The following NIF3L1 variants were observed in gnomAD, a reference collection of about 807,000 sequenced individuals.
NIF3L1 encodes NIF3-like protein 1.
Under a neutral mutation model 35.0 loss-of-function variants are expected in NIF3L1, and 26 were observed. The ratio of observed to expected loss-of-function variants is 0.74; its 90% CI spans 0.54 to 1.03. NIF3L1 has a LOEUF of 1.03. NIF3L1 is among the 50% of genes least tolerant of loss of function. NIF3L1 has a pLI of 0.00. For missense variants in NIF3L1, 449 were observed against 466.3 expected, an observed-to-expected ratio of 0.96 and a Z score of 0.34; for synonymous variants, 157 against 178.9, an observed-to-expected ratio of 0.88 and a Z score of 0.98.
chr2:200,899,363 T>A (rs1186345218), intron 5 of NIF3L1, 22 bp from the exon 6 acceptor site: 1 of 1,587,626 alleles, frequency 6.3e-7, no homozygotes, highest in African/African-American at 1.3e-5. Flanking sequence ...AGTATTGGTC[T>A]CTTGTTTCCT....
At chr2:200,891,297 A>G (rs2040188249) in intron 1 of NIF3L1, among the ~76,000 whole-genome samples, 1 of 151,852 alleles carries the variant, frequency 6.6e-6, no homozygotes, top group Admixed American at 6.6e-5. Flanking sequence ...TACCACCCCA[A>G]CTCCAAATTC....
chr2:200,901,624 C>A (rs536183914), intron 6 of NIF3L1, among the ~76,000 whole-genome samples: 1 of 152,290 alleles, frequency 6.6e-6, no homozygotes, highest in South Asian at 2.1e-4. Flanking sequence ...TTCCTGTGAG[C>A]CTGAGGCCGT....
At position 200,903,477 on chromosome 2, in the gene NIF3L1, T is replaced by A; in HGVS notation, c.950-17T>A. On this transcript the variant is annotated splice_polypyrimidine_tract_variant and intron_variant, in intron 6 of 6. Transcript: ENST00000409020. ...CCATATTTAGCATTTAAGAATTTGC[T>A]CTTCCCTTTTTGGTAGGTGAGATGT... is the stretch of plus-strand genomic sequence containing the variant. 1 of 1,604,638 alleles carries A rather than the reference T, an allele frequency of 6.2e-7. No individual in the cohort carries two copies. Among genetic ancestry groups the A allele is most frequent in the South Asian group, 1.1e-5 (1 of 90,912 alleles).
At chr2:200,896,454 C>A (rs1436584026) in intron 4 of NIF3L1, among the ~76,000 whole-genome samples, 1 of 152,182 alleles carries the variant, frequency 6.6e-6, no homozygotes, top group African/African-American at 2.4e-5. Flanking sequence ...CTTTTTAACT[C>A]TTTTAGGGTT....
downstream of NIF3L1, chr2:200,903,926 C>T (rs1210687638): frequency 1.4e-5 from 7 of 486,190 alleles, no homozygotes; most frequent in Non-Finnish European, 2.3e-5. Context: ...GTTTACTTAA[C>T]ATTCTTTGGA....
At position 200,893,392 on chromosome 2, in the gene NIF3L1, A is replaced by G; in HGVS notation, c.583A>G (p.Thr195Ala). 1 of 1,613,866 alleles carries G rather than the reference A, an allele frequency of 6.2e-7. No individual in the cohort carries two copies. The highest frequency in any genetic ancestry group is 8.5e-7 in the Non-Finnish European group (1 of 1,179,908). ...GAAAGGAATTGACGGTGTTTCTGTC[A>G]CTTCTTTTTCTGCTAGGTACAATTT... ...AVKGIDGVSVTSFSARTGNEE... is the reference protein window; with the variant it reads ...AVKGIDGVSVASFSARTGNEE... The change falls in exon 3 of 7, where the codon ACT becomes GCT. Residue 195 changes from threonine to alanine, a missense_variant. Physicochemically the swap from Thr to Ala is moderately conservative, Grantham distance 58. Transcript: ENST00000409020.
At chr2:200,898,429 A>T (rs1437113297) in intron 5 of NIF3L1, among the ~76,000 whole-genome samples, 1 of 152,248 alleles carries the variant, frequency 6.6e-6, no homozygotes, top group Admixed American at 6.5e-5. Flanking sequence ...GCATGGGGGA[A>T]CTGCCCCCAT....
intron 6 of NIF3L1, among the ~76,000 whole-genome samples, chr2:200,902,646 C>G (rs1475376423): frequency 6.6e-6 from 1 of 152,140 alleles, no homozygotes; most frequent in Middle Eastern, 3.2e-3. Flanking sequence ...GAGATTCCCT[C>G]CAGAGTTTCT....
In NIF3L1 at chr2:200,903,512, A is replaced by C; in HGVS notation, c.968A>C (p.Asp323Ala). 1 of 1,613,770 alleles carries C rather than the reference A, an allele frequency of 6.2e-7. No homozygotes were observed. Among genetic ancestry groups the C allele is most frequent in the East Asian group, 2.2e-5 (1 of 44,860 alleles). The change falls in exon 7 of 7, where the codon GAT becomes GCT. Residue 323 changes from aspartate (D) to alanine (A), a missense_variant. Asp to Ala is a moderately radical substitution (Grantham distance 126). Transcript: ENST00000409020. Reference protein sequence around the residue: ...LYLTGEMSHHDTLDAASQGIN... With the variant: ...LYLTGEMSHHATLDAASQGIN... ...TTGGTAGGTGAGATGTCCCATCATG[A>C]TACTTTGGATGCTGCTTCCCAAGGA...
rs531962559 is a variant in NIF3L1, at chr2:200,901,512, C to T, written c.950-1982C>T. On this transcript the variant is annotated intron_variant, in intron 6 of 6. Transcript: ENST00000409020. ...GGGGAGAAATAGAAAATATATTATC[C>T]GGCTAGCATTAGCTGTCTCTGGTCT... Among the ~76,000 whole-genome samples the T allele has an allele frequency of 5.3e-5, 8 of 152,192 alleles. No individual in the cohort carries two copies. The East Asian group carries it at 1.4e-3, about 26-fold the overall frequency.
At chr2:200,896,253 C>T (rs1023178920) in intron 4 of NIF3L1, among the ~76,000 whole-genome samples, 2 of 152,150 alleles carry the variant, frequency 1.3e-5, no homozygotes, top group African/African-American at 4.8e-5. Flanking sequence ...GCCTCCTCTC[C>T]TTCCACAGCA....
chr2:200,892,307 G>A lies in NIF3L1; in HGVS notation c.364G>A (p.Gly122Ser), dbSNP rs372467508. 8.2e-5 allele frequency: 132 copies of A among 1,613,710 alleles called. 1 individual carries two copies. In the Middle Eastern group the frequency reaches 1.2e-3, roughly 14 times the overall value. Residue 122 changes from glycine to serine, a missense_variant, in exon 2 of 7, where the codon GGT becomes AGT. Transcript: ENST00000409020. ...LVIRALENRV[G>S]IYSPHTAYDA... ...GATCCGGGCTCTGGAGAACAGAGTC[G>A]GTATCTACTCTCCTCATACAGCCTA... is the stretch of plus-strand genomic sequence containing the variant.
At chr2:200,896,060 G>A (rs1379002347) in intron 4 of NIF3L1, among the ~76,000 whole-genome samples, 2 of 151,410 alleles carry the variant, frequency 1.3e-5, no homozygotes, top group Non-Finnish European at 2.9e-5. Flanking sequence ...TTGACTCCAG[G>A]CCCTGCTGAG....
In NIF3L1 at chr2:200,899,395, CAA is replaced by C. The variant is rs2040375628; in HGVS notation, c.878_879del (p.Lys293SerfsTer17). On this transcript the variant is annotated frameshift_variant, in exon 6 of 7. Transcript: ENST00000409020. LOFTEE classifies it high-confidence loss of function. Reference protein sequence around the residue: ...GVGRTLESQVKVVALCAGSGS... With the variant: ...GVGRTLESQVXVVALCAGSGS... ...TCCTCTGTTTTGAAGAGTCTCAAGTCAAAGTCGTGGCCCTGTGTGCTGGTTCT... is the reference window on the plus strand; with the variant it reads ...TCCTCTGTTTTGAAGAGTCTCAAGTCAGTCGTGGCCCTGTGTGCTGGTTCT... 6.2e-7 allele frequency: 1 copy of C among 1,613,814 alleles called. No homozygotes were observed. Among genetic ancestry groups the C allele is most frequent in the African/African-American group, 1.3e-5 (1 of 75,004 alleles).
At chr2:200,897,030 T>C (rs1380609240) in intron 4 of NIF3L1, 46 bp from the exon 5 acceptor site, 1 of 1,595,216 alleles carries the variant, frequency 6.3e-7, no homozygotes, top group Admixed American at 1.7e-5. Context: ...ATTTGTTGTT[T>C]TAGGACTAAC....
chr2:200,897,895 G>A (rs2040344910), intron 5 of NIF3L1, among the ~76,000 whole-genome samples: 1 of 152,236 alleles, frequency 6.6e-6, no homozygotes, highest in Admixed American at 6.5e-5. Flanking sequence ...GTGGGGTACA[G>A]CGGTTATAGG....
intron 3 of NIF3L1, 62 bp downstream of exon 3, chr2:200,893,470 T>G: frequency 3.3e-6 from 5 of 1,495,834 alleles, no homozygotes; most frequent in Non-Finnish European, 4.6e-6. Flanking sequence ...CCTTACAAAG[T>G]CTATAACCCT....
At position 200,895,290 on chromosome 2, in the gene NIF3L1, T is replaced by C. The variant is rs369161642; in HGVS notation, c.626T>C (p.Ile209Thr). The C allele has an allele frequency of 5.0e-6, 8 of 1,613,888 alleles. No individual in the cohort carries two copies. In the African/African-American group the frequency reaches 9.3e-5, roughly 19 times the overall value. Residue 209 changes from isoleucine to threonine, a missense_variant, in exon 4 of 7, where the codon ATT becomes ACT. Coordinates refer to ENST00000409020, the MANE Select transcript of NIF3L1 (RefSeq NM_001369441.2). Reference sequence around the variant, plus strand: ...ACTGGTAATGAGGAACAAACACGGATTAATCTGAATTGTACTCAGAAGGCT... The same window carrying C: ...ACTGGTAATGAGGAACAAACACGGACTAATCTGAATTGTACTCAGAAGGCT... ...ARTGNEEQTR[I>T]NLNCTQKALM...
intron 2 of NIF3L1, among the ~76,000 whole-genome samples, chr2:200,892,771 T>C (rs1441258646): frequency 6.6e-6 from 1 of 152,238 alleles, no homozygotes; most frequent in Non-Finnish European, 1.5e-5. Flanking sequence ...AATGTTTACT[T>C]ATGCCTAGCA....
Sources: allele counts gnomAD v4.1 joint callset (sites outside exome capture counted in the v4.1 genomes callset), GRCh38; gene constraint gnomAD v4.1.1; transcripts MANE v1.5; gene names NCBI Gene and HGNC (gene_info 2026-07-23, HGNC 2026-07-21).